The following C1orf105 variants were observed in gnomAD, a reference collection of about 807,000 sequenced individuals.
The protein encoded by C1orf105 is chromosome 1 open reading frame 105.
Under a neutral mutation model 20.8 loss-of-function variants are expected in C1orf105, and 17 were observed. The observed-to-expected ratio is 0.82, with a 90% CI of 0.56 to 1.23. The LOEUF (loss-of-function observed/expected upper bound fraction) is 1.23. Ranked by LOEUF, C1orf105 falls within the 50% of genes most tolerant of loss-of-function variation. The pLI is 0.00. For missense variants in C1orf105, 219 were observed against 213.5 expected, an observed-to-expected ratio of 1.03 and a Z score of -0.16; for synonymous variants, 72 against 72.1, an observed-to-expected ratio of 1.00 and a Z score of 0.01.
chr1:172,456,532 G>T (rs1444626973), intron 4 of C1orf105, 43 bp downstream of exon 4: 5 of 1,568,910 alleles, frequency 3.2e-6, no homozygotes, highest in African/African-American at 2.7e-5. Context: ...GCATCTCAGG[G>T]TGCAGCACTG....
At chr1:172,458,245 A>G (rs1649449176) in intron 4 of C1orf105, among the ~76,000 whole-genome samples, 1 of 152,242 alleles carries the variant, frequency 6.6e-6, no homozygotes, top group Non-Finnish European at 1.5e-5. Flanking sequence ...AAAAAGAAAT[A>G]AAATCCATCC....
At chr1:172,439,112 C>T (rs777599867) in intron 1 of C1orf105, among the ~76,000 whole-genome samples, 24 of 152,028 alleles carry the variant, frequency 1.6e-4, no homozygotes, top group Non-Finnish European at 3.4e-4. Flanking sequence ...GGTCTGGAAC[C>T]GAACCTCAGT....
chr1:172,444,813 TAA>T (rs1044431452), intron 1 of C1orf105, among the ~76,000 whole-genome samples: 18 of 152,268 alleles, frequency 1.2e-4, no homozygotes, highest in African/African-American at 4.3e-4. Context: ...ACAGTGGAAA[TAA>T]AAGTCAGAAA....
chr1:172,455,257 A>T (rs1466246176), intron 3 of C1orf105, among the ~76,000 whole-genome samples: 1 of 152,174 alleles, frequency 6.6e-6, no homozygotes, highest in African/African-American at 2.4e-5. Context: ...CACAGGATGA[A>T]GCTACTTGCA....
chr1:172,447,497 C>T (rs1284527119), intron 2 of C1orf105, among the ~76,000 whole-genome samples: 1 of 152,218 alleles, frequency 6.6e-6, no homozygotes, highest in African/African-American at 2.4e-5. Flanking sequence ...GAGTTCTAAA[C>T]TGGCCTCCTG....
intron 5 of C1orf105, among the ~76,000 whole-genome samples, chr1:172,464,031 G>A (rs1203479729): frequency 2.6e-5 from 4 of 151,968 alleles, no homozygotes; most frequent in African/African-American, 4.8e-5. Context: ...TGCATATATA[G>A]GCAAATGGAA....
At position 172,420,732 on chromosome 1, in the gene C1orf105, T is replaced by C. The variant is rs74894247; in HGVS notation, c.-154T>C. On this transcript the variant is annotated 5_prime_UTR_variant, in exon 1 of 7. Transcript: ENST00000367727. ...TGGTAGAGAAAAAGGCATACTGGTA[T>C]TGAAACTGTAAACTGGCCTGTTTAC... 1.7e-3 allele frequency: 1,147 copies of C among 673,050 alleles called. 18 individuals are homozygous for C. In the East Asian group the frequency reaches 0.032, roughly 19 times the overall value. The allele number at this position is 673,050 out of a possible 1,614,324, so 41.7% of individuals were successfully genotyped here.
At position 172,468,435 on chromosome 1, in the gene C1orf105, G is replaced by T; in HGVS notation, c.407-14G>T. 1.2e-6 allele frequency: 2 copies of T among 1,604,504 alleles called. No homozygotes were observed. The highest frequency in any genetic ancestry group is 1.7e-6 in the Non-Finnish European group (2 of 1,174,240). On this transcript the variant is annotated splice_polypyrimidine_tract_variant and intron_variant, in intron 6 of 6. Transcript: ENST00000367727. ...TAGTCCTTATCCTTCTTTCCTTCTT[G>T]TACTGTCATCCAGAAAGCATTCACT... is the stretch of plus-strand genomic sequence containing the variant.
intron 5 of C1orf105, among the ~76,000 whole-genome samples, chr1:172,462,819 C>T (rs2149192846): frequency 6.6e-6 from 1 of 152,252 alleles, no homozygotes; most frequent in Admixed American, 6.5e-5. Flanking sequence ...GTTGCCCAGG[C>T]TGCAGTGCAG....
chr1:172,450,724 A>C (rs539346522), intron 3 of C1orf105, among the ~76,000 whole-genome samples: 4 of 152,232 alleles, frequency 2.6e-5, no homozygotes, highest in Non-Finnish European at 5.9e-5. Context: ...CCTGCCCCGG[A>C]GCAGCCCCGT....
At chr1:172,434,547 GAAACCAATGAGAACAAAGACA>G (rs2071975477) in intron 1 of C1orf105, among the ~76,000 whole-genome samples, 1 of 152,192 alleles carries the variant, frequency 6.6e-6, no homozygotes, top group Non-Finnish European at 1.5e-5. Context: ...GATGTTCTTT[GAAACCAATGAGAACAAAGACA>G]CAACATACCA....
chr1:172,429,243 C>G (rs936335608), intron 1 of C1orf105, among the ~76,000 whole-genome samples: 1 of 151,882 alleles, frequency 6.6e-6, no homozygotes, highest in African/African-American at 2.4e-5. Flanking sequence ...CACACACACA[C>G]ACACACACAC....
In C1orf105 at chr1:172,456,423, G is replaced by A; in HGVS notation, c.207G>A (p.Arg69=). 1.2e-6 allele frequency: 2 copies of A among 1,612,990 alleles called. No individual in the cohort carries two copies. Among genetic ancestry groups the A allele is most frequent in the South Asian group, 2.2e-5 (2 of 91,072 alleles). ...TCTCTCTTTCCCCTCAGGCCAGGAG[G>A]AACCAGTGTGACTCCATGCTGCTCA... ...QVPDVLSKAR[R]NQCDSMLLRN... is the part of the protein sequence containing the mutation. The change falls in exon 4 of 7, where the codon AGG becomes AGA. Residue 69 remains arginine (R), a synonymous_variant. Transcript: ENST00000367727.
intron 1 of C1orf105, chr1:172,442,392 C>T (rs538347316): frequency 1.4e-5 from 22 of 1,613,654 alleles, no homozygotes; most frequent in South Asian, 2.2e-5. Context: ...CCAGAAGACC[C>T]TCATCCATAT....
intron 1 of C1orf105, among the ~76,000 whole-genome samples, chr1:172,436,538 T>C (rs1314977315): frequency 6.6e-6 from 1 of 152,180 alleles, no homozygotes; most frequent in Non-Finnish European, 1.5e-5. Context: ...TGGCTAGCCA[T>C]AGGTAGAAAG....
chr1:172,444,185 C>G lies in C1orf105; in HGVS notation c.22-888C>G, dbSNP rs906226658. 22 of 986,500 alleles carry G rather than the reference C, an allele frequency of 2.2e-5. No homozygotes were observed. The Admixed American group carries it at 3.7e-4, about 17-fold the overall frequency. The allele number at this position is 986,500 out of a possible 1,614,324, so 61.1% of individuals were successfully genotyped here. ...GGCTGCTCGAAGGACCTCCGGTCTCCTCTCCTGGAGACTGGCCCAAACCCG... is the reference window on the plus strand; with the variant it reads ...GGCTGCTCGAAGGACCTCCGGTCTCGTCTCCTGGAGACTGGCCCAAACCCG... On this transcript the variant is annotated intron_variant, in intron 1 of 6. Coordinates refer to ENST00000367727, the MANE Select transcript of C1orf105 (RefSeq NM_139240.4).
At chr1:172,441,579 C>A in intron 1 of C1orf105, 1 of 667,262 alleles carries the variant, frequency 1.5e-6, no homozygotes. Context: ...CCTCACCACC[C>A]AAGCCTTTGG....
At chr1:172,459,760 A>G (rs1573890855) in intron 4 of C1orf105, among the ~76,000 whole-genome samples, 1 of 152,204 alleles carries the variant, frequency 6.6e-6, no homozygotes, top group African/African-American at 2.4e-5. Context: ...GAATGCACAT[A>G]GCAGCCATAT....
At chr1:172,449,733 A>T (rs1214377778) in intron 3 of C1orf105, among the ~76,000 whole-genome samples, 2 of 152,120 alleles carry the variant, frequency 1.3e-5, no homozygotes, top group Non-Finnish European at 2.9e-5. Context: ...AGTCCCCCTA[A>T]CACCCTGGAC....
Sources: gnomAD v4.1 joint callset for allele counts (sites outside exome capture counted in the v4.1 genomes callset) on GRCh38, gnomAD v4.1.1 for gene constraint, MANE v1.5 for transcripts, NCBI Gene and HGNC (gene_info 2026-07-23, HGNC 2026-07-21) for gene names.